The following MAP3K9 variants were observed in gnomAD, a reference collection of about 807,000 sequenced individuals.
MAP3K9 encodes mitogen-activated protein kinase kinase kinase 9.
In MAP3K9, 46 loss-of-function variants were observed where a neutral mutation model predicts 95.8. The ratio of observed to expected loss-of-function variants is 0.48; its 90% CI spans 0.38 to 0.61. MAP3K9 has a LOEUF of 0.61. Ranked by LOEUF, MAP3K9 falls within the 20% of genes least tolerant of loss-of-function variation. MAP3K9 has a pLI of 0.00. For synonymous variants in MAP3K9, 533 were observed against 593.8 expected (o/e 0.90, Z 1.49); for missense variants, 1,296 against 1,474.3 (o/e 0.88, Z 1.98).
chr14:70,742,670 C>T (rs1356201009), intron 5 of MAP3K9, 79 bp from the exon 6 acceptor site: 1 of 1,523,336 alleles, frequency 6.6e-7, no homozygotes, highest in Admixed American at 1.9e-5. Flanking sequence ...CCTGAGAGCT[C>T]CCAGAGGGCT....
At chr14:70,758,054 A>G (rs1594783636) in intron 3 of MAP3K9, among the ~76,000 whole-genome samples, 1 of 152,200 alleles carries the variant, frequency 6.6e-6, no homozygotes. Flanking sequence ...TAAACTAGAC[A>G]TCATCAAAAT....
Position 70,730,530 on chromosome 14 carries a change from G to C in MAP3K9, c.3165C>G (p.Phe1055Leu), listed in dbSNP as rs1344022002. 1 of 1,614,008 alleles carries C rather than the reference G, an allele frequency of 6.2e-7. No individual in the cohort carries two copies. Among genetic ancestry groups the C allele is most frequent in the East Asian group, 2.2e-5 (1 of 44,884 alleles). Residue 1055 changes from phenylalanine to leucine, a missense_variant, in exon 12 of 12, where the codon TTC becomes TTG. Phe to Leu is a conservative substitution (Grantham distance 22, BLOSUM62 0). Transcript: ENST00000554752. ...CAGTCGGGGGCAGCGGCCCTGCCTG[G>C]AACGGGAGCAGGGCTGGAAGTCCAG... is the stretch of plus-strand genomic sequence containing the variant. Reference protein sequence around the residue: ...ERPGLPALLPFQAGPLPPTER... With the variant: ...ERPGLPALLPLQAGPLPPTER...
intron 7 of MAP3K9, among the ~76,000 whole-genome samples, chr14:70,738,899 G>A (rs1241720132): frequency 6.6e-6 from 1 of 151,966 alleles, no homozygotes; most frequent in Non-Finnish European, 1.5e-5. Context: ...AGATAAGAGA[G>A]GAGGAATATT....
chr14:70,801,147 T>C (rs2054925730), intron 1 of MAP3K9, 67 bp from the exon 2 acceptor site: 2 of 1,459,424 alleles, frequency 1.4e-6, no homozygotes, highest in East Asian at 2.3e-5. Flanking sequence ...TAACCTTTCA[T>C]TTACCTGAGT....
intron 2 of MAP3K9, among the ~76,000 whole-genome samples, chr14:70,794,989 C>CTTTTTTTTTTTT (rs1566766253): frequency 4.1e-5 from 3 of 73,352 alleles, no homozygotes; most frequent in Non-Finnish European, 8.7e-5. Flanking sequence ...TTTTTCTTTT[C>CTTTTTTTTTTTT]CTTTTTTTTT....
At position 70,730,616 on chromosome 14, in the gene MAP3K9, C is replaced by G. The variant is rs2053885056; in HGVS notation, c.3079G>C (p.Glu1027Gln). The G allele has an allele frequency of 6.2e-7, 1 of 1,613,874 alleles. No homozygotes were observed. The highest frequency in any genetic ancestry group is 1.3e-5 in the African/African-American group (1 of 74,948). Residue 1027 changes from glutamate (E) to glutamine (Q), a missense_variant, in exon 12 of 12, where the codon GAG (glutamate) becomes CAG (glutamine). By Grantham distance (29) the Glu-to-Gln change is conservative (BLOSUM62 2). Coordinates refer to ENST00000554752, the MANE Select transcript of MAP3K9 (RefSeq NM_001284230.2). ...STSPANSSST[E>Q]TPSNLDSCFA... is the part of the protein sequence containing the mutation. ...CAGGAGTCCAGGTTGCTGGGCGTCT[C>G]TGTGCTGGAGCTGTTGGCTGGGGAG...
rs146820431 is a variant in MAP3K9 at position 70,795,348 on chromosome 14, G to A, written c.820+5319C>T. ...TTTTGAGATAGAGTCTCACTCTGTCGCCCAGGATGGAGTGCAATGTTACAA... is the reference window on the plus strand; with the variant it reads ...TTTTGAGATAGAGTCTCACTCTGTCACCCAGGATGGAGTGCAATGTTACAA... On this transcript the variant is annotated intron_variant, in intron 2 of 11. Coordinates refer to ENST00000554752, the MANE Select transcript of MAP3K9 (RefSeq NM_001284230.2). Among the ~76,000 whole-genome samples the A allele has an allele frequency of 9.1e-3, 1,375 of 151,262 alleles. 6 individuals are homozygous for A. Among genetic ancestry groups the A allele is most frequent in the Non-Finnish European group, 0.013 (872 of 67,840 alleles).
rs932015451 is a variant in MAP3K9 at position 70,808,802 on chromosome 14, C to T, written c.370G>A (p.Gly124Ser). 15 of 1,593,412 alleles carry T rather than the reference C, an allele frequency of 9.4e-6. No homozygotes were observed. In the Admixed American group the frequency reaches 1.6e-4, roughly 17 times the overall value. Residue 124 changes from glycine (G) to serine (S), a missense_variant, in exon 1 of 12, where the codon GGC becomes AGC. Physicochemically the swap from Gly to Ser is moderately conservative, Grantham distance 56. Transcript: ENST00000554752. ...GGGTAGCAACTGGGGTCCTCGCCGC[C>T]GGGCTGGCAGCGGCTGGAGAAGGCG... Reference protein sequence around the residue: ...RSAFSSRCQPGGEDPSCYPPI... With the variant: ...RSAFSSRCQPSGEDPSCYPPI...
chr14:70,730,439 C>A lies in MAP3K9; in HGVS notation c.3256G>T (p.Ala1086Ser), dbSNP rs1386927844. ...GCAGGCCTGTGTGTGTTCAGTTCCG[C>A]TCTGCACAGCGGCACGGTGCTGTCC... ...SQDSTVPLCR[A>S]ELNTHRPAPY... Residue 1086 changes from alanine (A) to serine (S), a missense_variant, in exon 12 of 12, where the codon GCG becomes TCG. By Grantham distance (99) the Ala-to-Ser change is moderately conservative. This residue lies in a region of MAP3K9 where 433 missense variants were observed against 441.4 expected (regional missense o/e 0.98). Coordinates refer to ENST00000554752, the MANE Select transcript of MAP3K9 (RefSeq NM_001284230.2). 6 of 1,614,120 alleles carry A rather than the reference C, an allele frequency of 3.7e-6. No individual in the cohort carries two copies. The highest frequency in any genetic ancestry group is 5.1e-6 in the Non-Finnish European group (6 of 1,180,060).
At chr14:70,780,291 G>C (rs1280999139) in intron 2 of MAP3K9, among the ~76,000 whole-genome samples, 1 of 152,182 alleles carries the variant, frequency 6.6e-6, no homozygotes, top group Non-Finnish European at 1.5e-5. Flanking sequence ...AAGGAGACAT[G>C]ATAGGGAACT....
At chr14:70,760,882 G>T in intron 3 of MAP3K9, 120 bp downstream of exon 3, 1 of 1,013,216 alleles carries the variant, frequency 9.9e-7, no homozygotes, top group Non-Finnish European at 1.5e-6. Context: ...CTTGGGGGAG[G>T]TCACTTAGAC....
At chr14:70,782,297 C>G (rs948926565) in intron 2 of MAP3K9, among the ~76,000 whole-genome samples, 5 of 152,162 alleles carry the variant, frequency 3.3e-5, no homozygotes, top group Non-Finnish European at 5.9e-5. Context: ...ATAGCAGGCA[C>G]GTCAATTTCT....
chr14:70,734,270 C>T (rs2053953293), intron 10 of MAP3K9, 116 bp downstream of exon 10: 2 of 743,910 alleles, frequency 2.7e-6, no homozygotes, highest in Non-Finnish European at 2.4e-6. Flanking sequence ...AAAACATTCC[C>T]AATGTTTCCT....
Position 70,748,992 on chromosome 14 carries a change from G to A in MAP3K9, c.1163C>T (p.Pro388Leu). 1.9e-6 allele frequency: 3 copies of A among 1,613,316 alleles called. No homozygotes were observed. The highest frequency in any genetic ancestry group is 2.5e-6 in the Non-Finnish European group (3 of 1,179,722). ...FAKLMEDCWN[P>L]DPHSRPSFTN... ...GAAAGATGGTCGTGAGTGGGGATCA[G>A]GATTCCAGCAGTCTGAATAGAACAT... Residue 388 changes from proline to leucine, a missense_variant, in exon 5 of 12, where the codon CCT (proline) becomes CTT (leucine). Physicochemically the swap from Pro to Leu is moderately conservative, Grantham distance 98. Around this residue, in one of 5 missense-constraint regions of MAP3K9, gnomAD observed 136 missense variants for 221.5 expected, o/e 0.61. Transcript: ENST00000554752.
chr14:70,743,894 ACACATG>A (rs2054111036), intron 5 of MAP3K9, among the ~76,000 whole-genome samples: 1 of 152,218 alleles, frequency 6.6e-6, no homozygotes, highest in East Asian at 1.9e-4. Context: ...TACTATAAAG[ACACATG>A]CACACGTATG....
chr14:70,760,140 T>TGC (rs1380081871), intron 3 of MAP3K9, among the ~76,000 whole-genome samples: 1 of 41,960 alleles, frequency 2.4e-5, no homozygotes, highest in Non-Finnish European at 4.7e-5. Context: ...AAAATAAACG[T>TGC]GCACACACAC....
intron 1 of MAP3K9, among the ~76,000 whole-genome samples, chr14:70,805,667 C>T (rs2054982207): frequency 6.6e-6 from 1 of 152,028 alleles, no homozygotes; most frequent in African/African-American, 2.4e-5. Flanking sequence ...GCCTATAATC[C>T]CAACACTCTG....
intron 1 of MAP3K9, among the ~76,000 whole-genome samples, chr14:70,805,551 T>A (rs1427709189): frequency 6.6e-6 from 1 of 152,252 alleles, no homozygotes; most frequent in African/African-American, 2.4e-5. Flanking sequence ...ATTATATGAA[T>A]GTAAAATGAT....
chr14:70,783,752 C>T (rs2054711643), intron 2 of MAP3K9, among the ~76,000 whole-genome samples: 1 of 152,226 alleles, frequency 6.6e-6, no homozygotes. Context: ...CACGCATGGT[C>T]CATTTGGCCA....
Sources: gnomAD v4.1 joint callset for allele counts (sites outside exome capture counted in the v4.1 genomes callset) on GRCh38, gnomAD v4.1.1 for gene constraint, gnomAD v4.1.1 regional missense constraint, MANE v1.5 for transcripts, NCBI Gene and HGNC (gene_info 2026-07-23, HGNC 2026-07-21) for gene names.